SDK2: variants seen among roughly 807,000 people sequenced by gnomAD.
The protein encoded by SDK2 is sidekick cell adhesion molecule 2.
Under a neutral mutation model 253.9 loss-of-function variants are expected in SDK2, and 105 were observed. The ratio of observed to expected loss-of-function variants is 0.41; its 90% CI spans 0.35 to 0.49. The LOEUF (loss-of-function observed/expected upper bound fraction) is 0.49. Among genes scored for constraint, SDK2 ranks in the 20% least tolerant of loss-of-function variants. The pLI, the probability that SDK2 is intolerant of heterozygous loss-of-function variation, is 0.06. For missense variants in SDK2, 2,608 were observed against 3,003.0 expected, an observed-to-expected ratio of 0.87 and a Z score of 3.07; for synonymous variants, 1,249 against 1,234.9, an observed-to-expected ratio of 1.01 and a Z score of -0.24.
intron 1 of SDK2, among the ~76,000 whole-genome samples, chr17:73,613,450 A>G (rs900189986): frequency 1.3e-5 from 2 of 149,736 alleles, no homozygotes; most frequent in African/African-American, 4.9e-5. Context: ...CAGGACAGGC[A>G]CCGTATTGTC....
chr17:73,403,755 C>A (rs1024832856), intron 18 of SDK2, among the ~76,000 whole-genome samples: 2 of 152,118 alleles, frequency 1.3e-5, no homozygotes, highest in African/African-American at 4.8e-5. Flanking sequence ...GTTAATTAGA[C>A]ACTAATTAGA....
In SDK2 at chr17:73,435,381, A is replaced by T. The variant is rs1185542239; in HGVS notation, c.1195+69T>A. ...TGCTATGCACAAGAGGCCCCTCGGAAGACCTTGGAAGAAAGCTGCGTCCTG... is the reference window on the plus strand; with the variant it reads ...TGCTATGCACAAGAGGCCCCTCGGATGACCTTGGAAGAAAGCTGCGTCCTG... On this transcript the variant is annotated intron_variant, in intron 9 of 44. Coordinates refer to ENST00000392650, the MANE Select transcript of SDK2 (RefSeq NM_001144952.2). This position sits in a 1 kb window ranked among gnomAD's most constrained non-coding sequence, Gnocchi z 5.7. 6 of 1,439,792 alleles carry T rather than the reference A, an allele frequency of 4.2e-6. No homozygotes were observed. In the Admixed American group the frequency reaches 6.7e-5, roughly 16 times the overall value. 89.2% of individuals were successfully genotyped at this position (1,439,792 alleles called of 1,614,324 possible).
At chr17:73,574,501 T>C (rs967328004) in intron 1 of SDK2, among the ~76,000 whole-genome samples, 7 of 152,150 alleles carry the variant, frequency 4.6e-5, no homozygotes, top group African/African-American at 1.7e-4. Context: ...TCTCTCCCTT[T>C]TTCCCAGTAG....
chr17:73,589,168 C>T (rs2045647418), intron 1 of SDK2, among the ~76,000 whole-genome samples: 1 of 152,256 alleles, frequency 6.6e-6, no homozygotes, highest in South Asian at 2.1e-4. Context: ...CCTCCCTAAG[C>T]CAATTATTCT....
At chr17:73,599,727 G>C (rs1401767781) in intron 1 of SDK2, among the ~76,000 whole-genome samples, 1 of 152,130 alleles carries the variant, frequency 6.6e-6, no homozygotes, top group Non-Finnish European at 1.5e-5. Context: ...ACCACCCTAA[G>C]CCATTCCTCT....
At chr17:73,557,050 C>T (rs1443668490) in intron 1 of SDK2, among the ~76,000 whole-genome samples, 1 of 152,182 alleles carries the variant, frequency 6.6e-6, no homozygotes. Flanking sequence ...TGGGGTTGGC[C>T]TTATGTGGGT....
chr17:73,625,928 A>C (rs1470404275), intron 1 of SDK2, among the ~76,000 whole-genome samples: 1 of 152,206 alleles, frequency 6.6e-6, no homozygotes, highest in Admixed American at 6.5e-5. Context: ...TATAGGCGTG[A>C]ATCACCGAGT....
At chr17:73,345,884 T>C (rs1325753192) in intron 44 of SDK2, among the ~76,000 whole-genome samples, 2 of 152,176 alleles carry the variant, frequency 1.3e-5, no homozygotes, top group African/African-American at 4.8e-5. Flanking sequence ...TTTGCTATTA[T>C]AAATCGGTGC....
chr17:73,588,104 G>A (rs1375242344), intron 1 of SDK2, among the ~76,000 whole-genome samples: 2 of 152,018 alleles, frequency 1.3e-5, no homozygotes, highest in Non-Finnish European at 2.9e-5. Flanking sequence ...CTGGCGCGGT[G>A]GCTCACGCCT....
In SDK2 at chr17:73,616,116, T is replaced by A. The variant is rs1286865551; in HGVS notation, c.64+27909A>T. ...TGACAGTGTGCATGAAGTAGACATATGATCCAGTTTGTGGAATCGGTACCT... is the reference window on the plus strand; with the variant it reads ...TGACAGTGTGCATGAAGTAGACATAAGATCCAGTTTGTGGAATCGGTACCT... On this transcript the variant is annotated intron_variant, in intron 1 of 44. Coordinates refer to ENST00000392650, the MANE Select transcript of SDK2 (RefSeq NM_001144952.2). This position sits in a 1 kb window ranked among gnomAD's most constrained non-coding sequence, Gnocchi z 5.2. Among the ~76,000 whole-genome samples, 1 of 152,200 alleles carries A rather than the reference T, an allele frequency of 6.6e-6. No homozygotes were observed. Among genetic ancestry groups the A allele is most frequent in the Non-Finnish European group, 1.5e-5 (1 of 68,044 alleles).
At chr17:73,622,508 T>C (rs1287969511) in intron 1 of SDK2, among the ~76,000 whole-genome samples, 2 of 152,216 alleles carry the variant, frequency 1.3e-5, no homozygotes, top group Non-Finnish European at 2.9e-5. Flanking sequence ...CCAGTCTTTT[T>C]CCTCCTCTTC....
chr17:73,465,837 C>T lies in SDK2; in HGVS notation c.331+6275G>A, dbSNP rs1368000113. On this transcript the variant is annotated intron_variant, in intron 3 of 44. Transcript: ENST00000392650. The surrounding 1 kb of genome is among the most constrained non-coding windows in gnomAD (Gnocchi z 4.2). ...TGGCTGCTTAGGGCCCCAGGACAAG[C>T]CCTTGTCACCCCAGGAGACAGGAAC... Among the ~76,000 whole-genome samples the T allele has an allele frequency of 1.3e-5, 2 of 152,118 alleles. No individual in the cohort carries two copies. Among genetic ancestry groups the T allele is most frequent in the Admixed American group, 1.3e-4 (2 of 15,274 alleles).
rs1053636731 is a variant in SDK2 at position 73,612,407 on chromosome 17, C to T, written c.64+31618G>A. Among the ~76,000 whole-genome samples the T allele has an allele frequency of 6.6e-6, 1 of 152,076 alleles. No individual in the cohort carries two copies. The highest frequency in any genetic ancestry group is 6.5e-5 in the Admixed American group (1 of 15,284). ...TCACCGGGTCCCTGTGGCCCAGCTG[C>T]ACCTAGGCTGCAGGCTGGCCTCCCA... On this transcript the variant is annotated intron_variant, in intron 1 of 44. Transcript: ENST00000392650. The surrounding 1 kb of genome is among the most constrained non-coding windows in gnomAD (Gnocchi z 4.4).
chr17:73,637,904 A>G (rs989209705), intron 1 of SDK2, among the ~76,000 whole-genome samples: 1 of 152,192 alleles, frequency 6.6e-6, no homozygotes, highest in African/African-American at 2.4e-5. Context: ...TAAGAGGCAG[A>G]TTCATCTGTC....
chr17:73,446,468 T>G (rs1465936209), intron 5 of SDK2, among the ~76,000 whole-genome samples: 2 of 152,100 alleles, frequency 1.3e-5, no homozygotes, highest in African/African-American at 2.4e-5. Context: ...GGATGCTGAG[T>G]AGGGGAAGGA....
chr17:73,365,360 G>A lies in SDK2; in HGVS notation c.5203C>T (p.Leu1735=). ...SAPSSVKFSE[L]TTTSVNVSWE... is the part of the protein sequence containing the mutation. The stretch of plus-strand genomic sequence containing the variant: ...GACACATTCACTGAGGTTGTGGTCA[G>A]CTCACTGAACTTGACCGAGCTGGGA... The change falls in exon 38 of 45, where the codon CTG becomes TTG. Residue 1735 remains leucine (L), a synonymous_variant. Coordinates refer to ENST00000392650, the MANE Select transcript of SDK2 (RefSeq NM_001144952.2). 1 of 1,612,160 alleles carries A rather than the reference G, an allele frequency of 6.2e-7. No individual in the cohort carries two copies. The highest frequency in any genetic ancestry group is 8.5e-7 in the Non-Finnish European group (1 of 1,179,172).
At chr17:73,478,101 G>A (rs2063698417) in intron 2 of SDK2, among the ~76,000 whole-genome samples, 2 of 152,140 alleles carry the variant, frequency 1.3e-5, no homozygotes, top group African/African-American at 2.4e-5. Flanking sequence ...AACATACACA[G>A]GGAGGAAACG....
intron 1 of SDK2, chr17:73,520,859 C>T (rs2064072871): frequency 6.6e-6 from 1 of 152,126 alleles, no homozygotes; most frequent in African/African-American, 2.4e-5. Flanking sequence ...GTAGGTAGAT[C>T]CATAGAGATG....
chr17:73,544,612 T>C (rs1218553427), intron 1 of SDK2, among the ~76,000 whole-genome samples: 1 of 152,112 alleles, frequency 6.6e-6, no homozygotes, highest in African/African-American at 2.4e-5. Flanking sequence ...CATGGACAGA[T>C]GGATAATGGA....
Sources: gnomAD v4.1 joint callset for allele counts (sites outside exome capture counted in the v4.1 genomes callset) on GRCh38, gnomAD v4.1.1 for gene constraint, Gnocchi (gnomAD v3.1) non-coding constraint, MANE v1.5 for transcripts, NCBI Gene and HGNC (gene_info 2026-07-23, HGNC 2026-07-21) for gene names.